Variants in CAMSAP1 observed in about 807,000 individuals in gnomAD.
CAMSAP1 encodes calmodulin-regulated spectrin-associated protein 1.
In CAMSAP1, 58 loss-of-function variants were observed where a neutral mutation model predicts 143.5. The ratio of observed to expected loss-of-function variants is 0.40; its 90% CI spans 0.33 to 0.50. The LOEUF is 0.50. CAMSAP1 is among the 20% of genes least tolerant of loss of function. The pLI, the probability that CAMSAP1 is intolerant of heterozygous loss-of-function variation, is 0.45. For synonymous variants in CAMSAP1, 945 were observed against 859.3 expected, an observed-to-expected ratio of 1.10 and a Z score of -1.74; for missense variants, 1,969 against 2,115.7, an observed-to-expected ratio of 0.93 and a Z score of 1.36.
rs1835042711 is a variant in CAMSAP1, at chr9:135,811,336, CACTGCAGGCCGCTTGG to C, written c.4766_4781del (p.Pro1589ArgfsTer25). ...ATTTACGAGTCTGGGCCTTCTTTGG[CACTGCAGGCCGCTTGG>C]GCTGCCACAGGTGGTTGTGGATTGT... On this transcript the variant is annotated frameshift_variant, in exon 17 of 17. Coordinates refer to ENST00000389532, the MANE Select transcript of CAMSAP1 (RefSeq NM_015447.4). LOFTEE classifies it high-confidence loss of function. The surrounding 1 kb of genome is among the most constrained non-coding windows in gnomAD (Gnocchi z 4.9). 6.2e-7 allele frequency: 1 copy of C among 1,612,800 alleles called. No individual in the cohort carries two copies. Among genetic ancestry groups the C allele is most frequent in the Admixed American group, 1.7e-5 (1 of 59,874 alleles).
intron 7 of CAMSAP1, among the ~76,000 whole-genome samples, chr9:135,843,290 G>A (rs1836429217): frequency 6.6e-6 from 1 of 152,114 alleles, no homozygotes; most frequent in Non-Finnish European, 1.5e-5. Flanking sequence ...CCACACCATT[G>A]CACTCCAGCC....
At chr9:135,840,985 G>A (rs974463776) in intron 7 of CAMSAP1, among the ~76,000 whole-genome samples, 2 of 152,068 alleles carry the variant, frequency 1.3e-5, no homozygotes, top group Non-Finnish European at 2.9e-5. Flanking sequence ...TGCCTGGAAC[G>A]CCAGCGAGGC....
rs1838808982 is a variant in CAMSAP1, at chr9:135,907,107, G to A, written c.53C>T (p.Ala18Val). The stretch of plus-strand genomic sequence containing the variant: ...GAGGTCGGCGGCGCCGTCCGGCGGG[G>A]CCTCCATCTTCCTCCAGCCCTCGGC... ...AAAEGWRKME[A>V]PPDGAADLVP... Residue 18 changes from alanine (A) to valine (V), a missense_variant, in exon 1 of 17, where the codon GCC (alanine) becomes GTC (valine). Physicochemically the swap from Ala to Val is moderately conservative, Grantham distance 64. Transcript: ENST00000389532. 1.8e-6 allele frequency: 2 copies of A among 1,138,880 alleles called. No homozygotes were observed. Among genetic ancestry groups the A allele is most frequent in the Non-Finnish European group, 2.2e-6 (2 of 925,060 alleles). The allele number at this position is 1,138,880 out of a possible 1,614,324, so 70.5% of individuals were successfully genotyped here.
Position 135,812,955 on chromosome 9 carries a change from C to CAA in CAMSAP1, c.4507-1346_4507-1345dup, listed in dbSNP as rs753419702. ...TGGGCGACAGAGTGAGACTCCATCT[C>CAA]AAAAAAAAAAAAAAGAAGAATCTGA... On this transcript the variant is annotated intron_variant, in intron 16 of 16. Transcript: ENST00000389532. 4.4e-3 allele frequency among the ~76,000 whole-genome samples: 540 copies of CAA among 121,946 alleles called. 1 individual carries two copies. Among genetic ancestry groups the CAA allele is most frequent in the Middle Eastern group, 0.031 (8 of 258 alleles). 80.0% of individuals were successfully genotyped at this position (121,946 alleles called of 152,430 possible).
chr9:135,865,124 T>TA (rs1837329687), intron 4 of CAMSAP1: 9 of 569,490 alleles, frequency 1.6e-5, no homozygotes, highest in Admixed American at 1.3e-4. Context: ...GGGCGAAATG[T>TA]AACTTAAGAG....
At position 135,895,121 on chromosome 9, in the gene CAMSAP1, C is replaced by A. The variant is rs141274821; in HGVS notation, c.160+11879G>T. ...GCCTCCAAGACCTGCGGGAGAATAA[C>A]AAAAGATCCAAGGGTTCTATCACCG... is the stretch of plus-strand genomic sequence containing the variant. On this transcript the variant is annotated intron_variant, in intron 1 of 16. Coordinates refer to ENST00000389532, the MANE Select transcript of CAMSAP1 (RefSeq NM_015447.4). 2.2e-4 allele frequency among the ~76,000 whole-genome samples: 33 copies of A among 152,206 alleles called. No homozygotes were observed. The East Asian group carries it at 5.0e-3, about 23-fold the overall frequency.
chr9:135,885,254 C>T (rs1227489349), intron 1 of CAMSAP1, among the ~76,000 whole-genome samples: 1 of 152,226 alleles, frequency 6.6e-6, no homozygotes, highest in Admixed American at 6.5e-5. Flanking sequence ...CACAGACACA[C>T]AGTCATCCCC....
chr9:135,896,244 A>T (rs563934026), intron 1 of CAMSAP1, among the ~76,000 whole-genome samples: 1 of 152,258 alleles, frequency 6.6e-6, no homozygotes, highest in African/African-American at 2.4e-5. Context: ...ACACTTTTTT[A>T]AAAAAAGCAG....
intron 3 of CAMSAP1, among the ~76,000 whole-genome samples, chr9:135,876,101 G>A (rs996295749): frequency 1.1e-4 from 16 of 152,124 alleles, no homozygotes; most frequent in Non-Finnish European, 1.9e-4. Context: ...GATTACAGGC[G>A]CCCGCCATCA....
chr9:135,862,558 C>G lies in CAMSAP1; in HGVS notation c.717G>C (p.Pro239=). The part of the protein sequence containing the change: ...HLSARQSPYF[P]LLEDLMRDGS... ...CGTCTCTCATCAAATCCTCCAACAA[C>G]GGGAAGTAGGGTGACTGCCTAGCAG... Residue 239 remains proline (P), a synonymous_variant, in exon 5 of 17, where the codon CCG becomes CCC. Coordinates refer to ENST00000389532, the MANE Select transcript of CAMSAP1 (RefSeq NM_015447.4). The G allele has an allele frequency of 6.4e-7, 1 of 1,551,682 alleles. No homozygotes were observed. Among genetic ancestry groups the G allele is most frequent in the Non-Finnish European group, 8.7e-7 (1 of 1,147,000 alleles).
Position 135,815,124 on chromosome 9 carries a change from G to A in CAMSAP1, c.4479C>T (p.Asn1493=), listed in dbSNP as rs768194705. ...ISHCCLAGKV[N]EPHKNSILEE... The stretch of plus-strand genomic sequence containing the variant: ...CCAATATGGAATTCTTGTGGGGTTC[G>A]TTCACTTTTCCAGCCAGGCAGCAAT... The change falls in exon 16 of 17, where the codon AAC becomes AAT. Residue 1493 remains asparagine (N), a synonymous_variant. Transcript: ENST00000389532. 7.4e-6 allele frequency: 12 copies of A among 1,613,292 alleles called. No homozygotes were observed. Among genetic ancestry groups the A allele is most frequent in the East Asian group, 2.2e-5 (1 of 44,888 alleles).
chr9:135,850,458 A>G lies in CAMSAP1; in HGVS notation c.812T>C (p.Ile271Thr), dbSNP rs749102674. ...YCPEQMKLDDICLKEVTSMAD... is the reference protein window; with the variant it reads ...YCPEQMKLDDTCLKEVTSMAD... ...CATCGACGTTACCTCCTTTAAGCAT[A>G]TATCTAATAGACAAAAAGAAAATCA... Residue 271 changes from isoleucine (I) to threonine (T), a missense_variant, in exon 6 of 17, where the codon ATA becomes ACA. Ile to Thr is a moderately conservative substitution (Grantham distance 89). Transcript: ENST00000389532. 2.5e-6 allele frequency: 4 copies of G among 1,570,598 alleles called. No individual in the cohort carries two copies. The highest frequency in any genetic ancestry group is 1.7e-6 in the Non-Finnish European group (2 of 1,164,194).
intron 7 of CAMSAP1, among the ~76,000 whole-genome samples, chr9:135,840,152 G>A (rs1247990257): frequency 6.6e-6 from 1 of 152,194 alleles, no homozygotes; most frequent in Non-Finnish European, 1.5e-5. Context: ...TTCTGCACCT[G>A]AGTGTTGGCC....
At chr9:135,844,172 T>TTAC (rs1307706694) in intron 7 of CAMSAP1, among the ~76,000 whole-genome samples, 1 of 152,126 alleles carries the variant, frequency 6.6e-6, no homozygotes, top group African/African-American at 2.4e-5. Flanking sequence ...CACGTAGCAC[T>TTAC]TACTCTAAAA....
intron 8 of CAMSAP1, among the ~76,000 whole-genome samples, chr9:135,825,549 G>A (rs1011965171): frequency 3.3e-5 from 5 of 152,184 alleles, no homozygotes; most frequent in Admixed American, 2.0e-4. Context: ...CGGGAAGAAC[G>A]GCACATGCAG....
At chr9:135,830,655 A>G (rs1835828409) in intron 7 of CAMSAP1, among the ~76,000 whole-genome samples, 1 of 152,242 alleles carries the variant, frequency 6.6e-6, no homozygotes. Flanking sequence ...TAATAAAAAC[A>G]AAGAACAGCA....
Position 135,820,279 on chromosome 9 carries a change from T to C in CAMSAP1, c.3822+560A>G, listed in dbSNP as rs1835397542. 6.6e-6 allele frequency among the ~76,000 whole-genome samples: 1 copy of C among 152,200 alleles called. No homozygotes were observed. The highest frequency in any genetic ancestry group is 1.5e-5 in the Non-Finnish European group (1 of 68,018). Reference sequence around the variant, plus strand: ...CTTAGGAGACGACGATATATGGTCTTATCATCTTAGGAGACAACGAACGTC... The same window carrying C: ...CTTAGGAGACGACGATATATGGTCTCATCATCTTAGGAGACAACGAACGTC... On this transcript the variant is annotated intron_variant, in intron 11 of 16. Coordinates refer to ENST00000389532, the MANE Select transcript of CAMSAP1 (RefSeq NM_015447.4). The surrounding 1 kb of genome is among the most constrained non-coding windows in gnomAD (Gnocchi z 4.4).
intron 10 of CAMSAP1, 108 bp downstream of exon 10, chr9:135,823,842 C>A: frequency 1.2e-6 from 1 of 810,512 alleles, no homozygotes; most frequent in Admixed American, 2.3e-5. Context: ...CAGGCACTCC[C>A]TATAAAAGGG....
At chr9:135,812,358 C>T (rs1231674561) in intron 16 of CAMSAP1, among the ~76,000 whole-genome samples, 1 of 152,076 alleles carries the variant, frequency 6.6e-6, no homozygotes, top group Non-Finnish European at 1.5e-5. Flanking sequence ...AGGTCCGGTA[C>T]ACACTACACT....
Sources: gnomAD v4.1 joint callset for allele counts (sites outside exome capture counted in the v4.1 genomes callset) on GRCh38, gnomAD v4.1.1 for gene constraint, Gnocchi (gnomAD v3.1) non-coding constraint, MANE v1.5 for transcripts, NCBI Gene and HGNC (gene_info 2026-07-23, HGNC 2026-07-21) for gene names.